Variants in ZNF782 observed in about 807,000 individuals in gnomAD.
ZNF782 encodes zinc finger protein 782.
Under a neutral mutation model 13.0 loss-of-function variants are expected in ZNF782, and 12 were observed. The ratio of observed to expected loss-of-function variants is 0.92; its 90% CI spans 0.59 to 1.50. The LOEUF is 1.50. Among genes scored for constraint, ZNF782 ranks in the 40% most tolerant of loss-of-function variants. The probability of loss-of-function intolerance (pLI) is 0.00; values close to 1 mark genes in which losing one functional copy is unlikely to be tolerated. For missense variants in ZNF782, 770 were observed against 822.9 expected (o/e 0.94, Z 0.79); for synonymous variants, 284 against 283.0 (o/e 1.00, Z -0.04).
the ZNF782 span, among the ~76,000 whole-genome samples, chr9:96,921,233 T>TA: frequency 1.3e-5 from 2 of 150,284 alleles, no homozygotes; most frequent in Non-Finnish European, 2.9e-5. Flanking sequence ...TTTTTTTTTT[T>TA]AAATCACTTT....
chr9:96,848,423 C>T (rs185963227), intron 3 of ZNF782, among the ~76,000 whole-genome samples: 11 of 152,242 alleles, frequency 7.2e-5, no homozygotes, highest in Non-Finnish European at 1.5e-5. Flanking sequence ...TCCAAGACTC[C>T]TCCAAAAGAC....
chr9:96,883,977 C>A, the ZNF782 span, among the ~76,000 whole-genome samples: 13 of 152,292 alleles, frequency 8.5e-5, no homozygotes, highest in Non-Finnish European at 1.8e-4. Flanking sequence ...AGCCAAAGGT[C>A]TTGGAATGGA....
chr9:96,911,190 A>G, the ZNF782 span, among the ~76,000 whole-genome samples: 2 of 145,570 alleles, frequency 1.4e-5, no homozygotes, highest in African/African-American at 5.0e-5. Context: ...CTGTAATCCC[A>G]GCACTTTGGG....
chr9:96,840,955 AG>A (rs1325281921), intron 4 of ZNF782, among the ~76,000 whole-genome samples: 1 of 152,038 alleles, frequency 6.6e-6, no homozygotes, highest in South Asian at 2.1e-4. Context: ...GATCAATGAG[AG>A]AAAAAGCTGG....
rs148694931 is a variant in ZNF782 at position 96,819,924 on chromosome 9, T to C, written c.245-146A>G. ...CAACAATAAAGTAATTTCAAGTACATATTCCCCATATTCCCTTTTTAGCTT... is the reference window on the plus strand; with the variant it reads ...CAACAATAAAGTAATTTCAAGTACACATTCCCCATATTCCCTTTTTAGCTT... On this transcript the variant is annotated intron_variant, in intron 5 of 5. Transcript: ENST00000481138. 142 of 630,750 alleles carry C rather than the reference T, an allele frequency of 2.3e-4. No individual in the cohort carries two copies. In the East Asian group the frequency reaches 4.8e-3, roughly 22 times the overall value. The allele number at this position is 630,750 out of a possible 1,614,324, so 39.1% of individuals were successfully genotyped here.
At chr9:96,919,915 G>A in the ZNF782 span, among the ~76,000 whole-genome samples, 1 of 151,424 alleles carries the variant, frequency 6.6e-6, no homozygotes, top group African/African-American at 2.4e-5. Context: ...GGACTAGCAA[G>A]GGCATCAACT....
chr9:96,829,414 A>G (rs1299447861), intron 4 of ZNF782, among the ~76,000 whole-genome samples: 2 of 152,314 alleles, frequency 1.3e-5, no homozygotes, highest in East Asian at 3.8e-4. Context: ...TAATTAATCA[A>G]GAGGATATAA....
rs1389856692 is a variant in ZNF782 at position 96,817,825 on chromosome 9, GCTCA to G, written c.*94_*97del. 14 of 1,043,286 alleles carry G rather than the reference GCTCA, an allele frequency of 1.3e-5. No individual in the cohort carries two copies. Among genetic ancestry groups the G allele is most frequent in the African/African-American group, 3.3e-5 (2 of 61,442 alleles). The allele number at this position is 1,043,286 out of a possible 1,614,324, so 64.6% of individuals were successfully genotyped here. ...CTGAAATTGTAGAGGAAATTCCAGT[GCTCA>G]CTATGTTAACAGTTCTCTCCTGTGT... On this transcript the variant is annotated 3_prime_UTR_variant, in exon 6 of 6. Coordinates refer to ENST00000481138, the MANE Select transcript of ZNF782 (RefSeq NM_001001662.3).
the ZNF782 span, among the ~76,000 whole-genome samples, chr9:96,914,382 G>A: frequency 0.029 from 4,355 of 150,948 alleles, 4 homozygotes; most frequent in African/African-American, 0.053. Flanking sequence ...GGCCTCCCAA[G>A]GTGCTGGGAT....
At chr9:96,856,863 A>T (rs1400109724), upstream of ZNF782, among the ~76,000 whole-genome samples, 1 of 152,184 alleles carries the variant, frequency 6.6e-6, no homozygotes, top group Non-Finnish European at 1.5e-5. Flanking sequence ...GATCATGAAG[A>T]TGTGAAAAAT....
chr9:96,843,779 A>C (rs1243993202), intron 4 of ZNF782, among the ~76,000 whole-genome samples: 1 of 152,216 alleles, frequency 6.6e-6, no homozygotes, highest in East Asian at 1.9e-4. Context: ...TAATTATTTC[A>C]ATATAAAAAA....
chr9:96,899,033 T>C, the ZNF782 span, among the ~76,000 whole-genome samples: 1 of 149,094 alleles, frequency 6.7e-6, no homozygotes, highest in African/African-American at 2.5e-5. Context: ...CCCAAATCCC[T>C]GATAACCACC....
chr9:96,827,659 C>T (rs1041044780), intron 4 of ZNF782, among the ~76,000 whole-genome samples: 1 of 152,096 alleles, frequency 6.6e-6, no homozygotes, highest in Non-Finnish European at 1.5e-5. Context: ...GAACTGCACA[C>T]CTAAGTAACA....
intron 4 of ZNF782, among the ~76,000 whole-genome samples, chr9:96,839,277 CTTT>C (rs201411107): frequency 2.0e-5 from 2 of 100,220 alleles, no homozygotes; most frequent in Non-Finnish European, 4.6e-5. Context: ...TTACTTGGGA[CTTT>C]TTTTTTTTTT....
chr9:96,853,426 G>A (rs963971389), intron 1 of ZNF782, among the ~76,000 whole-genome samples: 2 of 152,188 alleles, frequency 1.3e-5, no homozygotes, highest in Non-Finnish European at 2.9e-5. Context: ...AGGTAAAACT[G>A]TTCACAGAGA....
the ZNF782 span, among the ~76,000 whole-genome samples, chr9:96,927,479 A>G: frequency 3.9e-5 from 6 of 152,004 alleles, no homozygotes; most frequent in South Asian, 2.1e-4. Flanking sequence ...TCAGCCTGCT[A>G]TTGTTTTCTG....
At chr9:96,832,060 C>T (rs1850821323) in intron 4 of ZNF782, among the ~76,000 whole-genome samples, 1 of 151,736 alleles carries the variant, frequency 6.6e-6, no homozygotes. Flanking sequence ...TTCATTTTTC[C>T]CTGATCTTCT....
Position 96,819,618 on chromosome 9 carries a change from A to T in ZNF782, c.405T>A (p.Pro135=). ...CAGACCCCGCAATGTCACATTTACA[A>T]GGCATCATTCTTGCACGAAAAATGT... is the stretch of plus-strand genomic sequence containing the variant. ...DINIFRARMM[P]CKCDIAGSAC... The change falls in exon 6 of 6, where the codon CCT becomes CCA. Residue 135 remains proline (P), a synonymous_variant. Transcript: ENST00000481138. 1 of 1,614,122 alleles carries T rather than the reference A, an allele frequency of 6.2e-7. No individual in the cohort carries two copies. The highest frequency in any genetic ancestry group is 1.1e-5 in the South Asian group (1 of 91,058).
At position 96,818,046 on chromosome 9, in the gene ZNF782, G is replaced by A. The variant is rs878945340; in HGVS notation, c.1977C>T (p.Ser659=). The change falls in exon 6 of 6, where the codon TCC becomes TCT. Residue 659 remains serine (S), a synonymous_variant. Coordinates refer to ENST00000481138, the MANE Select transcript of ZNF782 (RefSeq NM_001001662.3). The part of the protein sequence containing the change: ...NQCGEAFSQK[S]NLRVHQRTHT... ...GAGTTCTCTGATGTACTCTGAGATT[G>A]GATTTCTGACTGAAAGCTTCCCCAC... is the stretch of plus-strand genomic sequence containing the variant. 3.2e-6 allele frequency: 5 copies of A among 1,572,550 alleles called. No homozygotes were observed. Among genetic ancestry groups the A allele is most frequent in the Middle Eastern group, 3.4e-4 (2 of 5,928 alleles).
Sources: gnomAD v4.1 joint callset for allele counts (sites outside exome capture counted in the v4.1 genomes callset) on GRCh38, gnomAD v4.1.1 for gene constraint, MANE v1.5 for transcripts, NCBI Gene and HGNC (gene_info 2026-07-23, HGNC 2026-07-21) for gene names.